TMCC3: variants seen among roughly 807,000 people sequenced by gnomAD.
TMCC3 encodes the protein transmembrane and coiled-coil domain protein 3.
In TMCC3, 28 loss-of-function variants were observed where a neutral mutation model predicts 40.2. The observed-to-expected ratio is 0.70, with a 90% CI of 0.52 to 0.95. The LOEUF (loss-of-function observed/expected upper bound fraction) is 0.95, where lower values mean the gene tolerates loss of function less well. TMCC3 is among the 40% of genes least tolerant of loss of function. The pLI, the probability that TMCC3 is intolerant of heterozygous loss-of-function variation, is 0.00. For missense variants in TMCC3, 554 were observed against 615.2 expected (o/e 0.90, Z 1.05); for synonymous variants, 255 against 248.5 (o/e 1.03, Z -0.25).
intron 1 of TMCC3, among the ~76,000 whole-genome samples, chr12:94,608,993 G>C (rs183116298): frequency 2.6e-5 from 4 of 152,238 alleles, no homozygotes; most frequent in Non-Finnish European, 5.9e-5. Context: ...CAGCACTCTG[G>C]CTTGAGCCCA....
intron 2 of TMCC3, 58 bp from the exon 3 acceptor site, chr12:94,578,587 T>C: frequency 6.4e-7 from 1 of 1,558,128 alleles, no homozygotes; most frequent in South Asian, 1.2e-5. Flanking sequence ...TGTGGAACGA[T>C]GTCCTTTTTA....
intron 1 of TMCC3, among the ~76,000 whole-genome samples, chr12:94,605,364 G>A (rs971655790): frequency 2.6e-5 from 4 of 152,188 alleles, no homozygotes; most frequent in African/African-American, 9.7e-5. Flanking sequence ...ACTACACAGA[G>A]GGATTTTGGA....
intron 1 of TMCC3, among the ~76,000 whole-genome samples, chr12:94,585,220 G>C (rs531731672): frequency 6.6e-6 from 1 of 152,168 alleles, no homozygotes; most frequent in African/African-American, 2.4e-5. Flanking sequence ...GGACCTTATA[G>C]GGCTATAAGG....
In TMCC3 at chr12:94,582,006, C is replaced by A. The variant is rs147896684; in HGVS notation, c.611G>T (p.Arg204Ile). 6 of 1,614,088 alleles carry A rather than the reference C, an allele frequency of 3.7e-6. No individual in the cohort carries two copies. The highest frequency in any genetic ancestry group is 1.3e-5 in the African/African-American group (1 of 74,918). The change falls in exon 2 of 4, where the codon AGA (arginine) becomes ATA (isoleucine). Residue 204 changes from arginine to isoleucine, a missense_variant. By Grantham distance (97) the Arg-to-Ile change is moderately conservative. Coordinates refer to ENST00000261226, the MANE Select transcript of TMCC3 (RefSeq NM_020698.4). ...ATTCCGGATCAGGTTGGCAAACTCT[C>A]TGGACTTATTGAAAACGAACACAGG... ...TPPVFVFNKS[R>I]EFANLIRNKF...
intron 1 of TMCC3, among the ~76,000 whole-genome samples, chr12:94,621,313 G>A (rs1229155084): frequency 6.6e-6 from 1 of 152,154 alleles, no homozygotes; most frequent in Non-Finnish European, 1.5e-5. Flanking sequence ...TGGCTCCTTC[G>A]AGGAAGTGAG....
In TMCC3 at chr12:94,600,407, T is replaced by C. The variant is rs1196072808; in HGVS notation, c.79-17869A>G. Among the ~76,000 whole-genome samples the C allele has an allele frequency of 3.3e-5, 5 of 152,074 alleles. No homozygotes were observed. The East Asian group carries it at 9.6e-4, about 29-fold the overall frequency. ...TGTTTTCAGTGTTCTATTCCTTCCA[T>C]CTAGTCTATAGGAAGTCATTACACT... On this transcript the variant is annotated intron_variant, in intron 1 of 3. Coordinates refer to ENST00000261226, the MANE Select transcript of TMCC3 (RefSeq NM_020698.4).
intron 1 of TMCC3, among the ~76,000 whole-genome samples, chr12:94,610,959 T>A (rs2068812734): frequency 6.6e-6 from 1 of 152,094 alleles, no homozygotes; most frequent in South Asian, 2.1e-4. Flanking sequence ...TTTGAGAGAG[T>A]AATTCATCTT....
At chr12:94,618,648 GCCGAGGAAGA>G (rs1001216384) in intron 1 of TMCC3, among the ~76,000 whole-genome samples, 1 of 152,104 alleles carries the variant, frequency 6.6e-6, no homozygotes, top group Non-Finnish European at 1.5e-5. Flanking sequence ...GTCCCCAAGG[GCCGAGGAAGA>G]ACAAGTTCCT....
chr12:94,630,684 A>G (rs1408224077), intron 1 of TMCC3, among the ~76,000 whole-genome samples: 2 of 152,174 alleles, frequency 1.3e-5, no homozygotes, highest in African/African-American at 4.8e-5. Context: ...TTAAACAAAA[A>G]TGGTACTTTC....
chr12:94,599,392 A>G (rs759539124), intron 1 of TMCC3, among the ~76,000 whole-genome samples: 1 of 152,076 alleles, frequency 6.6e-6, no homozygotes, highest in Non-Finnish European at 1.5e-5. Context: ...CGCCGCCCCC[A>G]CATGCACGGA....
At chr12:94,646,910 C>A (rs905613014) in intron 1 of TMCC3, among the ~76,000 whole-genome samples, 2 of 152,072 alleles carry the variant, frequency 1.3e-5, no homozygotes, top group East Asian at 3.9e-4. Flanking sequence ...CAGAATACAA[C>A]CCACGTAGGT....
At chr12:94,637,622 T>C (rs573311270) in intron 1 of TMCC3, among the ~76,000 whole-genome samples, 173 of 152,378 alleles carry the variant, frequency 1.1e-3, no homozygotes, top group African/African-American at 3.9e-3. Flanking sequence ...GCCCTTTGGC[T>C]GAGTAATTAG....
At chr12:94,579,815 G>A (rs1443011959) in intron 2 of TMCC3, among the ~76,000 whole-genome samples, 1 of 152,196 alleles carries the variant, frequency 6.6e-6, no homozygotes, top group Admixed American at 6.5e-5. Context: ...GGTCACAAAC[G>A]TAACCACAGG....
chr12:94,611,478 T>C (rs2068815357), intron 1 of TMCC3, among the ~76,000 whole-genome samples: 1 of 152,070 alleles, frequency 6.6e-6, no homozygotes, highest in Non-Finnish European at 1.5e-5. Context: ...TCATGGGCAA[T>C]GATGTTTTCC....
At chr12:94,611,205 A>C (rs1302513338) in intron 1 of TMCC3, among the ~76,000 whole-genome samples, 2 of 152,176 alleles carry the variant, frequency 1.3e-5, no homozygotes, top group African/African-American at 4.8e-5. Context: ...CCTACTGAAA[A>C]GAGAAATTTT....
rs866625271 is a variant in TMCC3 at position 94,567,429 on chromosome 12, T to G, written c.*4006A>C. The G allele has an allele frequency of 1.6e-4, 24 of 152,222 alleles. No homozygotes were observed. The highest frequency in any genetic ancestry group is 5.8e-4 in the African/African-American group (24 of 41,460). The allele number at this position is 152,222 out of a possible 1,614,324, so 9.4% of individuals were successfully genotyped here. ...TCTCTTAGGACAAACACAGTAGACA[T>G]GCTTTAAATAAATTAAAATTGCAAC... On this transcript the variant is annotated 3_prime_UTR_variant, in exon 4 of 4. Coordinates refer to ENST00000261226, the MANE Select transcript of TMCC3 (RefSeq NM_020698.4).
At chr12:94,621,890 T>A (rs1246584815) in intron 1 of TMCC3, among the ~76,000 whole-genome samples, 1 of 152,180 alleles carries the variant, frequency 6.6e-6, no homozygotes, top group Non-Finnish European at 1.5e-5. Flanking sequence ...AACGCACCAC[T>A]GGTTTAAAGG....
chr12:94,620,391 G>A (rs972093590), intron 1 of TMCC3, among the ~76,000 whole-genome samples: 20 of 151,042 alleles, frequency 1.3e-4, no homozygotes, highest in Admixed American at 1.1e-3. Flanking sequence ...AAGTTTAAGC[G>A]GTTCTCCTGC....
chr12:94,610,851 T>G (rs1340723788), intron 1 of TMCC3, among the ~76,000 whole-genome samples: 2 of 152,222 alleles, frequency 1.3e-5, no homozygotes, highest in African/African-American at 4.8e-5. Context: ...TGTATGAACA[T>G]TTCTAGAAGC....
Sources: gnomAD v4.1 joint callset for allele counts (sites outside exome capture counted in the v4.1 genomes callset) on GRCh38, gnomAD v4.1.1 for gene constraint, MANE v1.5 for transcripts, NCBI Gene and HGNC (gene_info 2026-07-23, HGNC 2026-07-21) for gene names.